Variants in SYNDIG1 observed in about 807,000 individuals in gnomAD.
SYNDIG1 encodes the protein synapse differentiation inducing 1.
SYNDIG1 carries 9 observed loss-of-function variants against 19.4 expected under a neutral mutation model. That is an observed-to-expected ratio of 0.46 (90% CI 0.28 to 0.81). The LOEUF (loss-of-function observed/expected upper bound fraction) is 0.81, where lower values mean the gene tolerates loss of function less well. Among genes scored for constraint, SYNDIG1 ranks in the 30% least tolerant of loss-of-function variants. The pLI, the probability that SYNDIG1 is intolerant of heterozygous loss-of-function variation, is 0.12. For synonymous variants in SYNDIG1, 141 were observed against 145.9 expected, an observed-to-expected ratio of 0.97 and a Z score of 0.24; for missense variants, 311 against 343.3, an observed-to-expected ratio of 0.91 and a Z score of 0.74.
rs117337786 is a variant in SYNDIG1 at position 24,498,663 on chromosome 20, A to G, written c.-79+28910A>G. 5.1e-4 allele frequency among the ~76,000 whole-genome samples: 77 copies of G among 152,220 alleles called. No homozygotes were observed. In the East Asian group the frequency reaches 0.014, roughly 27 times the overall value. ...AATGTCCTTCAGGATTCCTCATGTCATGTATGTAGATGTGTTCTTGTGTGT... is the reference window on the plus strand; with the variant it reads ...AATGTCCTTCAGGATTCCTCATGTCGTGTATGTAGATGTGTTCTTGTGTGT... On this transcript the variant is annotated intron_variant, in intron 1 of 3. Coordinates refer to ENST00000376862, the MANE Select transcript of SYNDIG1 (RefSeq NM_024893.3).
chr20:24,590,290 G>C (rs2058487217), intron 3 of SYNDIG1, among the ~76,000 whole-genome samples: 1 of 152,070 alleles, frequency 6.6e-6, no homozygotes, highest in South Asian at 2.1e-4. Flanking sequence ...GGCGGGGCTG[G>C]GGGCCGCGGG....
At chr20:24,645,586 GTGAGCTCTCAGCTT>G (rs2059415512) in intron 3 of SYNDIG1, among the ~76,000 whole-genome samples, 1 of 152,222 alleles carries the variant, frequency 6.6e-6, no homozygotes, top group Admixed American at 6.5e-5. Context: ...GGTGTGTGCA[GTGAGCTCTCAGCTT>G]TGAGCCCTCT....
chr20:24,590,680 G>A (rs1206730216), intron 3 of SYNDIG1, among the ~76,000 whole-genome samples: 1 of 152,160 alleles, frequency 6.6e-6, no homozygotes, highest in African/African-American at 2.4e-5. Flanking sequence ...CCTGCAGCCG[G>A]ATAGGCAGCA....
rs552278066 is a variant in SYNDIG1 at position 24,586,258 on chromosome 20, G to A, written c.618+1265G>A. Among the ~76,000 whole-genome samples, 33 of 152,292 alleles carry A rather than the reference G, an allele frequency of 2.2e-4. 1 individual carries two copies. Among genetic ancestry groups the A allele is most frequent in the African/African-American group, 7.7e-4 (32 of 41,560 alleles). ...AGTGGGGAAATCTTGATCTGCCGGG[G>A]CTAGGCTGAGCAGTTTTTCCAGACC... On this transcript the variant is annotated intron_variant, in intron 3 of 3. Transcript: ENST00000376862.
intron 2 of SYNDIG1, among the ~76,000 whole-genome samples, chr20:24,566,592 CAATCACT>C (rs748148424): frequency 6.6e-6 from 1 of 152,174 alleles, no homozygotes; most frequent in Non-Finnish European, 1.5e-5. Context: ...CATTTGGCTG[CAATCACT>C]AATCACTAAT....
Position 24,593,432 on chromosome 20 carries a change from A to G in SYNDIG1, c.618+8439A>G, listed in dbSNP as rs145226667. Among the ~76,000 whole-genome samples the G allele has an allele frequency of 4.5e-3, 687 of 152,004 alleles. 7 individuals carry two copies. The highest frequency in any genetic ancestry group is 0.016 in the African/African-American group (644 of 41,440). On this transcript the variant is annotated intron_variant, in intron 3 of 3. Transcript: ENST00000376862. The stretch of plus-strand genomic sequence containing the variant: ...GGTGTACATGTACCACATTTTCTTT[A>G]TCCAGTCTACCATTGATAGGCATTT...
chr20:24,605,416 T>C (rs1242744608), intron 3 of SYNDIG1, among the ~76,000 whole-genome samples: 1 of 152,166 alleles, frequency 6.6e-6, no homozygotes, highest in Non-Finnish European at 1.5e-5. Context: ...AAATGGTATC[T>C]CTCCTCTCTC....
chr20:24,543,866 C>G (rs2057520381), intron 2 of SYNDIG1, among the ~76,000 whole-genome samples: 1 of 152,168 alleles, frequency 6.6e-6, no homozygotes, highest in Non-Finnish European at 1.5e-5. Context: ...TCGGTTTTCC[C>G]TGCTCTCCCG....
At chr20:24,513,059 A>G (rs2386955) in intron 1 of SYNDIG1, among the ~76,000 whole-genome samples, 115,674 of 152,026 alleles carry the variant, frequency 0.76, 44,433 homozygotes, top group African/African-American at 0.88. Context: ...ACCTGCAGCT[A>G]AGGGTCCTGA....
At chr20:24,583,995 A>G (rs2058371095) in intron 2 of SYNDIG1, among the ~76,000 whole-genome samples, 1 of 152,206 alleles carries the variant, frequency 6.6e-6, no homozygotes. Flanking sequence ...GTTTACCCAT[A>G]AAACAAACCT....
chr20:24,631,986 A>G (rs1238466432), intron 3 of SYNDIG1, among the ~76,000 whole-genome samples: 1 of 152,218 alleles, frequency 6.6e-6, no homozygotes, highest in Non-Finnish European at 1.5e-5. Flanking sequence ...CCAAGACTCA[A>G]AAATGTGAGC....
At chr20:24,531,952 G>C (rs1048014843) in intron 1 of SYNDIG1, among the ~76,000 whole-genome samples, 3 of 152,196 alleles carry the variant, frequency 2.0e-5, no homozygotes, top group Admixed American at 1.3e-4. Context: ...TTCTTCCATT[G>C]GTGGGTAACA....
intron 3 of SYNDIG1, among the ~76,000 whole-genome samples, chr20:24,656,915 G>C (rs1387242631): frequency 6.6e-6 from 1 of 152,216 alleles, no homozygotes; most frequent in Non-Finnish European, 1.5e-5. Context: ...ATCCCTCATG[G>C]CTTGGTGCTG....
At position 24,665,591 on chromosome 20, in the gene SYNDIG1, C is replaced by T. The variant is rs1392659295; in HGVS notation, c.*87C>T. 2 of 1,529,156 alleles carry T rather than the reference C, an allele frequency of 1.3e-6. No individual in the cohort carries two copies. Among genetic ancestry groups the T allele is most frequent in the South Asian group, 1.2e-5 (1 of 80,782 alleles). The allele number at this position is 1,529,156 out of a possible 1,614,324, so 94.7% of individuals were successfully genotyped here. A position where few individuals can be genotyped will look rare whatever the true frequency, so the allele number is the denominator to read the frequency against. On this transcript the variant is annotated 3_prime_UTR_variant, in exon 4 of 4. Transcript: ENST00000376862. ...GCATACCGCATGATGCTGTACAGTA[C>T]AAATGATTGCCAAATGATGCCACGA...
intron 2 of SYNDIG1, 91 bp downstream of exon 2, chr20:24,543,668 G>C: frequency 6.6e-7 from 1 of 1,519,416 alleles, no homozygotes; most frequent in Non-Finnish European, 8.8e-7. Context: ...CAAAAGTTAG[G>C]GAATGAAACT....
chr20:24,558,728 A>G (rs1243447654), intron 2 of SYNDIG1, among the ~76,000 whole-genome samples: 1 of 152,184 alleles, frequency 6.6e-6, no homozygotes, highest in Non-Finnish European at 1.5e-5. Flanking sequence ...TCTGCAAATT[A>G]CAATAAGCAT....
chr20:24,585,952 C>G (rs1455385680), intron 3 of SYNDIG1, among the ~76,000 whole-genome samples: 2 of 152,226 alleles, frequency 1.3e-5, no homozygotes, highest in South Asian at 4.1e-4. Context: ...GCAGGTCCTT[C>G]GTCTGAAACA....
At chr20:24,625,732 G>A (rs2059115413) in intron 3 of SYNDIG1, among the ~76,000 whole-genome samples, 1 of 152,090 alleles carries the variant, frequency 6.6e-6, no homozygotes, top group South Asian at 2.1e-4. Context: ...TCTTAGTACA[G>A]AACAAAATGA....
intron 1 of SYNDIG1, among the ~76,000 whole-genome samples, chr20:24,478,153 C>G (rs73341661): frequency 0.017 from 2,560 of 152,338 alleles, 73 homozygotes; most frequent in African/African-American, 0.059. Context: ...AAAGGGAGCT[C>G]AAACCCGAAG....
Sources: gnomAD v4.1 joint callset for allele counts (sites outside exome capture counted in the v4.1 genomes callset) on GRCh38, gnomAD v4.1.1 for gene constraint, MANE v1.5 for transcripts, NCBI Gene and HGNC (gene_info 2026-07-23, HGNC 2026-07-21) for gene names.